KIRREL3: variants seen among roughly 807,000 people sequenced by gnomAD.
The protein encoded by KIRREL3 is kin of IRRE-like protein 3.
In KIRREL3, 36 loss-of-function variants were observed where a neutral mutation model predicts 89.7. That is an observed-to-expected ratio of 0.40 (90% CI 0.31 to 0.53). KIRREL3 has a LOEUF of 0.53. Ranked by LOEUF, KIRREL3 falls within the 20% of genes least tolerant of loss-of-function variation. KIRREL3 has a pLI of 0.49. For synonymous variants in KIRREL3, 445 were observed against 441.4 expected (o/e 1.01, Z -0.10); for missense variants, 864 against 1,056.6 (o/e 0.82, Z 2.53).
chr11:126,588,356 C>T (rs979564249), intron 1 of KIRREL3, among the ~76,000 whole-genome samples: 2 of 151,998 alleles, frequency 1.3e-5, no homozygotes, highest in Non-Finnish European at 2.9e-5. Context: ...TGAAGAGAGG[C>T]TTAAATAGGA....
In KIRREL3 at chr11:126,744,516, G is replaced by C. The variant is rs1373016134; in HGVS notation, c.56-181604C>G. ...GAAGCAGCACCAAGTTCTGGAGACTGATCAGGAAGCAGGTATGGAAGAAGC... is the reference window on the plus strand; with the variant it reads ...GAAGCAGCACCAAGTTCTGGAGACTCATCAGGAAGCAGGTATGGAAGAAGC... On this transcript the variant is annotated intron_variant, in intron 1 of 16. Transcript: ENST00000525144. The surrounding 1 kb of genome is among the most constrained non-coding windows in gnomAD (Gnocchi z 4.7). 8.5e-5 allele frequency among the ~76,000 whole-genome samples: 13 copies of C among 152,206 alleles called. No individual in the cohort carries two copies. Among genetic ancestry groups the C allele is most frequent in the Admixed American group, 8.5e-4 (13 of 15,286 alleles).
At position 126,754,077 on chromosome 11, in the gene KIRREL3, C is replaced by G. The variant is rs58116710; in HGVS notation, c.56-191165G>C. On this transcript the variant is annotated intron_variant, in intron 1 of 16. Coordinates refer to ENST00000525144, the MANE Select transcript of KIRREL3 (RefSeq NM_032531.4). The surrounding 1 kb of genome is among the most constrained non-coding windows in gnomAD (Gnocchi z 5.1). Reference sequence around the variant, plus strand: ...CTGCTAAACAATTTGGTGGCAGAACCTCATAAATGAAGTCTGTTTTCCCTG... The same window carrying G: ...CTGCTAAACAATTTGGTGGCAGAACGTCATAAATGAAGTCTGTTTTCCCTG... 0.011 allele frequency among the ~76,000 whole-genome samples: 1,748 copies of G among 152,166 alleles called. 35 individuals carry two copies. The highest frequency in any genetic ancestry group is 0.04 in the African/African-American group (1,657 of 41,500).
chr11:126,886,401 G>C (rs1945697687), intron 1 of KIRREL3, among the ~76,000 whole-genome samples: 1 of 152,208 alleles, frequency 6.6e-6, no homozygotes, highest in South Asian at 2.1e-4. Context: ...TCTCCTACCA[G>C]CGCTAATAAA....
At position 126,808,749 on chromosome 11, in the gene KIRREL3, G is replaced by A. The variant is rs889957772; in HGVS notation, c.55+191706C>T. On this transcript the variant is annotated intron_variant, in intron 1 of 16. Coordinates refer to ENST00000525144, the MANE Select transcript of KIRREL3 (RefSeq NM_032531.4). The surrounding 1 kb of genome is among the most constrained non-coding windows in gnomAD (Gnocchi z 4.1). Reference sequence around the variant, plus strand: ...TTTCCAATTTCCACATGCATATATAGAATGAATTGTTGAGACGGAGAATAT... The same window carrying A: ...TTTCCAATTTCCACATGCATATATAAAATGAATTGTTGAGACGGAGAATAT... Among the ~76,000 whole-genome samples the A allele has an allele frequency of 1.3e-5, 2 of 152,172 alleles. No homozygotes were observed. The highest frequency in any genetic ancestry group is 1.9e-4 in the East Asian group (1 of 5,198).
Position 126,808,152 on chromosome 11 carries a change from A to G in KIRREL3, c.55+192303T>C, listed in dbSNP as rs1951264937. Among the ~76,000 whole-genome samples the G allele has an allele frequency of 6.6e-6, 1 of 152,178 alleles. No individual in the cohort carries two copies. Among genetic ancestry groups the G allele is most frequent in the Non-Finnish European group, 1.5e-5 (1 of 68,034 alleles). ...TGACCTGGGGTTGAGGAGCAATTGT[A>G]TGTAGTTTGGAGAATAGGGCCCTCA... On this transcript the variant is annotated intron_variant, in intron 1 of 16. Transcript: ENST00000525144. This position sits in a 1 kb window ranked among gnomAD's most constrained non-coding sequence, Gnocchi z 4.1.
Position 126,569,584 on chromosome 11 carries a change from A to T in KIRREL3, c.56-6672T>A, listed in dbSNP as rs1316342160. ...TAATCCAGTTGGCTATACAAGACAT[A>T]TACTTAAGAAAAGGTAACTAAAAGT... On this transcript the variant is annotated intron_variant, in intron 1 of 16. Coordinates refer to ENST00000525144, the MANE Select transcript of KIRREL3 (RefSeq NM_032531.4). This position sits in a 1 kb window ranked among gnomAD's most constrained non-coding sequence, Gnocchi z 6.5. Among the ~76,000 whole-genome samples the T allele has an allele frequency of 6.6e-6, 1 of 152,250 alleles. No individual in the cohort carries two copies. Among genetic ancestry groups the T allele is most frequent in the Non-Finnish European group, 1.5e-5 (1 of 68,048 alleles).
intron 1 of KIRREL3, among the ~76,000 whole-genome samples, chr11:126,590,269 TAGA>T (rs557768769): frequency 3.2e-5 from 1 of 31,368 alleles, no homozygotes; most frequent in African/African-American, 2.7e-4. Context: ...AAGCAAAGCC[TAGA>T]AGAAGAACAT....
rs1943262917 is a variant in KIRREL3, at chr11:126,614,465, A to G, written c.56-51553T>C. Among the ~76,000 whole-genome samples, 1 of 152,128 alleles carries G rather than the reference A, an allele frequency of 6.6e-6. No homozygotes were observed. The highest frequency in any genetic ancestry group is 2.1e-4 in the South Asian group (1 of 4,834). ...AGCTGCGTATTAGAATGCCCTGGAG[A>G]GCTTTGAAAACTACAGTGATACTCA... On this transcript the variant is annotated intron_variant, in intron 1 of 16. Coordinates refer to ENST00000525144, the MANE Select transcript of KIRREL3 (RefSeq NM_032531.4). This position sits in a 1 kb window ranked among gnomAD's most constrained non-coding sequence, Gnocchi z 4.6.
intron 1 of KIRREL3, among the ~76,000 whole-genome samples, chr11:126,831,987 T>C (rs1256597471): frequency 6.6e-6 from 1 of 152,256 alleles, no homozygotes; most frequent in Non-Finnish European, 1.5e-5. Context: ...GTACAGATAA[T>C]GTGCTTCTTA....
chr11:126,569,576 C>T lies in KIRREL3; in HGVS notation c.56-6664G>A, dbSNP rs148195285. ...AGATACTATAATCCAGTTGGCTATA[C>T]AAGACATATACTTAAGAAAAGGTAA... On this transcript the variant is annotated intron_variant, in intron 1 of 16. Transcript: ENST00000525144. The surrounding 1 kb of genome is among the most constrained non-coding windows in gnomAD (Gnocchi z 6.5). 3.9e-5 allele frequency among the ~76,000 whole-genome samples: 6 copies of T among 152,168 alleles called. No individual in the cohort carries two copies. Among genetic ancestry groups the T allele is most frequent in the Non-Finnish European group, 7.3e-5 (5 of 68,030 alleles).
rs1464667208 is a variant in KIRREL3, at chr11:126,808,538, AC to A, written c.55+191916del. On this transcript the variant is annotated intron_variant, in intron 1 of 16. Transcript: ENST00000525144. The surrounding 1 kb of genome is among the most constrained non-coding windows in gnomAD (Gnocchi z 4.1). The stretch of plus-strand genomic sequence containing the variant: ...CTCCACAGGCTTACTGCAGGGCTAT[AC>A]AAAAAGGTATTTTATGTCCTTAGCC... Among the ~76,000 whole-genome samples the A allele has an allele frequency of 1.3e-5, 2 of 152,222 alleles. No individual in the cohort carries two copies. The highest frequency in any genetic ancestry group is 4.8e-5 in the African/African-American group (2 of 41,462).
chr11:126,677,034 C>T lies in KIRREL3; in HGVS notation c.56-114122G>A, dbSNP rs1039249368. Reference sequence around the variant, plus strand: ...AACTCCTGGGCTCAAGTGATCCTCCCGCCTTGGCCTCTCAAAGATTTTTTT... The same window carrying T: ...AACTCCTGGGCTCAAGTGATCCTCCTGCCTTGGCCTCTCAAAGATTTTTTT... On this transcript the variant is annotated intron_variant, in intron 1 of 16. Coordinates refer to ENST00000525144, the MANE Select transcript of KIRREL3 (RefSeq NM_032531.4). This position sits in a 1 kb window ranked among gnomAD's most constrained non-coding sequence, Gnocchi z 5.1. Among the ~76,000 whole-genome samples the T allele has an allele frequency of 5.9e-5, 9 of 151,744 alleles. No homozygotes were observed. Among genetic ancestry groups the T allele is most frequent in the Admixed American group, 2.6e-4 (4 of 15,254 alleles).
At position 126,513,808 on chromosome 11, in the gene KIRREL3, C is replaced by T. The variant is rs1452582786; in HGVS notation, c.433+7507G>A. Among the ~76,000 whole-genome samples, 1 of 152,156 alleles carries T rather than the reference C, an allele frequency of 6.6e-6. No individual in the cohort carries two copies. Among genetic ancestry groups the T allele is most frequent in the African/African-American group, 2.4e-5 (1 of 41,432 alleles). ...AATGGCTGCAAGACCTCCAGGGAGA[C>T]CTTCTATCTCATCTGGCCCCCAACA... On this transcript the variant is annotated intron_variant, in intron 4 of 16. Coordinates refer to ENST00000525144, the MANE Select transcript of KIRREL3 (RefSeq NM_032531.4). This position sits in a 1 kb window ranked among gnomAD's most constrained non-coding sequence, Gnocchi z 5.9.
intron 2 of KIRREL3, among the ~76,000 whole-genome samples, chr11:126,548,433 C>T (rs1250546674): frequency 6.6e-6 from 1 of 152,238 alleles, no homozygotes; most frequent in Non-Finnish European, 1.5e-5. Flanking sequence ...AGCAGCACTC[C>T]ACCCATGCCC....
In KIRREL3 at chr11:126,430,961, C is replaced by T. The variant is rs1334769672; in HGVS notation, c.1696+458G>A. 1 of 1,053,356 alleles carries T rather than the reference C, an allele frequency of 9.5e-7. No individual in the cohort carries two copies. The highest frequency in any genetic ancestry group is 7.5e-5 in the East Asian group (1 of 13,326). 65.3% of individuals were successfully genotyped at this position (1,053,356 alleles called of 1,614,324 possible). On this transcript the variant is annotated intron_variant, in intron 14 of 16. Transcript: ENST00000525144. This position sits in a 1 kb window ranked among gnomAD's most constrained non-coding sequence, Gnocchi z 6.6. ...CTTTAAAAGTTTTCTCAAAGCAATT[C>T]CTTTATTGCTTCCCCACCCACTCCC...
At position 126,866,403 on chromosome 11, in the gene KIRREL3, C is replaced by A. The variant is rs572363459; in HGVS notation, c.55+134052G>T. 3.3e-4 allele frequency among the ~76,000 whole-genome samples: 50 copies of A among 152,302 alleles called. 3 individuals carry two copies. The South Asian group carries it at 0.01, about 31-fold the overall frequency. On this transcript the variant is annotated intron_variant, in intron 1 of 16. Transcript: ENST00000525144. The stretch of plus-strand genomic sequence containing the variant: ...TGCACCCCTGTAAGAATTATCTTCT[C>A]AAAACCATGCTGATACCATGCTACT...
Position 126,609,697 on chromosome 11 carries a change from T to C in KIRREL3, c.56-46785A>G, listed in dbSNP as rs976014832. 2.6e-5 allele frequency among the ~76,000 whole-genome samples: 4 copies of C among 152,190 alleles called. No individual in the cohort carries two copies. The highest frequency in any genetic ancestry group is 9.6e-5 in the African/African-American group (4 of 41,454). On this transcript the variant is annotated intron_variant, in intron 1 of 16. Coordinates refer to ENST00000525144, the MANE Select transcript of KIRREL3 (RefSeq NM_032531.4). This position sits in a 1 kb window ranked among gnomAD's most constrained non-coding sequence, Gnocchi z 5.0. ...CTGCATATTGGAATTATCTGAGATG[T>C]CTGAAAAACCTGACAACCAGAGATT...
chr11:126,572,055 C>A (rs1390817531), intron 1 of KIRREL3, among the ~76,000 whole-genome samples: 1 of 152,210 alleles, frequency 6.6e-6, no homozygotes, highest in Non-Finnish European at 1.5e-5. Flanking sequence ...GGGCCAGATG[C>A]TCGACAGCTA....
chr11:126,935,060 A>AG (rs1425556747), intron 1 of KIRREL3: 2 of 151,884 alleles, frequency 1.3e-5, no homozygotes, highest in Admixed American at 6.6e-5. Context: ...TCTTAAAAAA[A>AG]AAAAAAAAAG....
Sources: gnomAD v4.1 joint callset for allele counts (sites outside exome capture counted in the v4.1 genomes callset) on GRCh38, gnomAD v4.1.1 for gene constraint, Gnocchi (gnomAD v3.1) non-coding constraint, MANE v1.5 for transcripts, NCBI Gene and HGNC (gene_info 2026-07-23, HGNC 2026-07-21) for gene names.